Variants in ATP8A2 observed in about 807,000 individuals in gnomAD.
ATP8A2 encodes ATPase phospholipid transporting 8A2.
ATP8A2 carries 100 observed loss-of-function variants against 165.6 expected under a neutral mutation model. That is an observed-to-expected ratio of 0.60 (90% CI 0.51 to 0.71). ATP8A2 has a LOEUF of 0.71. Among genes scored for constraint, ATP8A2 ranks in the 30% least tolerant of loss-of-function variants. ATP8A2 has a pLI of 0.00. For synonymous variants in ATP8A2, 543 were observed against 548.8 expected (o/e 0.99, Z 0.15); for missense variants, 1,227 against 1,479.5 (o/e 0.83, Z 2.80).
At chr13:25,513,506 C>A (rs1297418646) in intron 2 of ATP8A2, among the ~76,000 whole-genome samples, 1 of 151,682 alleles carries the variant, frequency 6.6e-6, no homozygotes, top group Non-Finnish European at 1.5e-5. Context: ...TCCTCACGTC[C>A]CAGAAGATGG....
chr13:25,860,216 A>C lies in ATP8A2; in HGVS notation c.2978A>C (p.His993Pro). 1 of 1,612,398 alleles carries C rather than the reference A, an allele frequency of 6.2e-7. No individual in the cohort carries two copies. The highest frequency in any genetic ancestry group is 2.2e-5 in the East Asian group (1 of 44,826). Residue 993 changes from histidine to proline, a missense_variant, in exon 31 of 37, where the codon CAT becomes CCT. By Grantham distance (77) the His-to-Pro change is moderately conservative (BLOSUM62 -2). This residue lies in a region of ATP8A2 where 260 missense variants were observed against 245.1 expected (regional missense o/e 1.06). Transcript: ENST00000381655. ...TCAGATACTGTGTTGACAAGTGGTC[A>C]TGCTACCGACTATTTATTTGTTGGA... ...LEHDTVLTSG[H>P]ATDYLFVGNI...
chr13:25,740,839 G>C (rs755250375), intron 25 of ATP8A2, among the ~76,000 whole-genome samples: 2 of 152,174 alleles, frequency 1.3e-5, no homozygotes. Flanking sequence ...GTTGATGAGT[G>C]ATAGGAAATT....
chr13:25,769,756 A>G (rs937056369), intron 26 of ATP8A2, among the ~76,000 whole-genome samples: 4 of 152,132 alleles, frequency 2.6e-5, no homozygotes, highest in African/African-American at 9.7e-5. Flanking sequence ...CACCCCTGTG[A>G]GGTGAATTGC....
chr13:25,539,245 T>A (rs2038391392), intron 7 of ATP8A2, among the ~76,000 whole-genome samples: 1 of 152,038 alleles, frequency 6.6e-6, no homozygotes, highest in Non-Finnish European at 1.5e-5. Context: ...CACAGGTGCA[T>A]GCCACCATGC....
chr13:25,469,634 G>A (rs936625020), intron 2 of ATP8A2, among the ~76,000 whole-genome samples: 1 of 152,140 alleles, frequency 6.6e-6, no homozygotes, highest in Non-Finnish European at 1.5e-5. Flanking sequence ...GCAGAAAGAT[G>A]GACAGAAGCT....
At chr13:25,940,671 C>T (rs986249376) in intron 33 of ATP8A2, among the ~76,000 whole-genome samples, 1 of 152,204 alleles carries the variant, frequency 6.6e-6, no homozygotes, top group African/African-American at 2.4e-5. Context: ...GGTCACAAGC[C>T]TTTGCCCACC....
intron 33 of ATP8A2, among the ~76,000 whole-genome samples, chr13:25,864,834 T>C (rs907625204): frequency 1.3e-5 from 2 of 152,162 alleles, no homozygotes; most frequent in Non-Finnish European, 2.9e-5. Flanking sequence ...AAGAACTGTG[T>C]ATCATCTCTA....
chr13:25,643,221 A>G (rs910641005), intron 24 of ATP8A2, among the ~76,000 whole-genome samples: 2 of 152,188 alleles, frequency 1.3e-5, no homozygotes, highest in Non-Finnish European at 2.9e-5. Flanking sequence ...ATAATAATTT[A>G]AAAAAGAATA....
At chr13:25,390,372 A>G (rs996457236) in intron 1 of ATP8A2, among the ~76,000 whole-genome samples, 2 of 152,180 alleles carry the variant, frequency 1.3e-5, no homozygotes, top group African/African-American at 2.4e-5. Flanking sequence ...TGAGGTGTAT[A>G]GTATGCATAG....
At chr13:25,466,754 C>T (rs922551521) in intron 1 of ATP8A2, among the ~76,000 whole-genome samples, 36 of 152,260 alleles carry the variant, frequency 2.4e-4, no homozygotes, top group African/African-American at 8.4e-4. Flanking sequence ...AACTGAGAGC[C>T]GCTAGGTGAG....
intron 25 of ATP8A2, among the ~76,000 whole-genome samples, chr13:25,715,633 C>A (rs2043240514): frequency 6.6e-6 from 1 of 152,190 alleles, no homozygotes; most frequent in Non-Finnish European, 1.5e-5. Flanking sequence ...CATGTCGTAG[C>A]ATTTCAATTC....
At chr13:25,412,883 C>T (rs901748761) in intron 1 of ATP8A2, among the ~76,000 whole-genome samples, 7 of 152,154 alleles carry the variant, frequency 4.6e-5, no homozygotes, top group South Asian at 4.2e-4. Flanking sequence ...TGCAGTGGCA[C>T]GATCTTGGCT....
chr13:25,853,225 C>T (rs1952053931), intron 30 of ATP8A2, among the ~76,000 whole-genome samples: 1 of 151,586 alleles, frequency 6.6e-6, no homozygotes, highest in Admixed American at 6.6e-5. Flanking sequence ...CCCGCCTCTT[C>T]TAAAAATACC....
At chr13:25,728,688 G>A (rs1382154806) in intron 25 of ATP8A2, among the ~76,000 whole-genome samples, 1 of 151,980 alleles carries the variant, frequency 6.6e-6, no homozygotes, top group Non-Finnish European at 1.5e-5. Flanking sequence ...TTTTGAGAAG[G>A]GGGGAGCACC....
intron 1 of ATP8A2, among the ~76,000 whole-genome samples, chr13:25,392,499 A>G (rs2033282966): frequency 6.6e-6 from 1 of 152,210 alleles, no homozygotes; most frequent in Non-Finnish European, 1.5e-5. Flanking sequence ...CACAGACTTC[A>G]TGAGTATCAC....
At chr13:25,392,469 C>T (rs1402000588) in intron 1 of ATP8A2, among the ~76,000 whole-genome samples, 2 of 152,214 alleles carry the variant, frequency 1.3e-5, no homozygotes, top group Non-Finnish European at 2.9e-5. Flanking sequence ...GTAAAATTAA[C>T]TTCCCTCTTT....
rs114190294 is a variant in ATP8A2 at position 25,833,785 on chromosome 13, C to T, written c.2755-3378C>T. ...TTCATGGAAGAGTAACTTCTGTAGC[C>T]GCAATTGGACATGCAGAAGCATTTC... On this transcript the variant is annotated intron_variant, in intron 28 of 36. Coordinates refer to ENST00000381655, the MANE Select transcript of ATP8A2 (RefSeq NM_016529.6). Among the ~76,000 whole-genome samples the T allele has an allele frequency of 3.6e-3, 550 of 152,244 alleles. 5 individuals are homozygous for T. Among genetic ancestry groups the T allele is most frequent in the African/African-American group, 0.013 (526 of 41,548 alleles).
At chr13:25,523,247 A>C (rs1423572760) in intron 2 of ATP8A2, among the ~76,000 whole-genome samples, 2 of 147,612 alleles carry the variant, frequency 1.4e-5, no homozygotes, top group Non-Finnish European at 3.0e-5. Context: ...GTGATCTTCA[A>C]TTTTTTTTCA....
chr13:25,855,407 C>T (rs1952133344), intron 30 of ATP8A2, among the ~76,000 whole-genome samples: 1 of 152,130 alleles, frequency 6.6e-6, no homozygotes, highest in Non-Finnish European at 1.5e-5. Flanking sequence ...CTTCACTTAG[C>T]ATAAGGTTTT....
Sources: gnomAD v4.1 joint callset for allele counts (sites outside exome capture counted in the v4.1 genomes callset) on GRCh38, gnomAD v4.1.1 for gene constraint, gnomAD v4.1.1 regional missense constraint, MANE v1.5 for transcripts, NCBI Gene and HGNC (gene_info 2026-07-23, HGNC 2026-07-21) for gene names.